Variants in TCF4 observed in about 807,000 individuals in gnomAD.
TCF4 encodes SL3-3 enhancer factor 2.
TCF4 carries 3 observed loss-of-function variants against 82.1 expected under a neutral mutation model. The observed-to-expected ratio is 0.04, with a 90% CI of 0.02 to 0.09. The LOEUF is 0.09. Ranked by LOEUF, TCF4 falls within the 10% of genes least tolerant of loss-of-function variation. The probability of loss-of-function intolerance (pLI) is 1.00; values close to 1 mark genes in which losing one functional copy is unlikely to be tolerated. For missense variants in TCF4, 518 were observed against 852.7 expected (o/e 0.61, Z 4.89); for synonymous variants, 276 against 309.6 (o/e 0.89, Z 1.14).
intron 3 of TCF4, among the ~76,000 whole-genome samples, chr18:55,475,593 A>T (rs749807210): frequency 6.6e-6 from 1 of 152,260 alleles, no homozygotes; most frequent in African/African-American, 2.4e-5. Context: ...ACAAAAATGT[A>T]TAAGGTAAAA....
At chr18:55,241,134 A>G (rs1230181521) in intron 15 of TCF4, among the ~76,000 whole-genome samples, 2 of 152,246 alleles carry the variant, frequency 1.3e-5, no homozygotes, top group Non-Finnish European at 2.9e-5. Flanking sequence ...TGTTCACCAA[A>G]ATGGTTAAAT....
rs56965997 is a variant in TCF4, at chr18:55,390,286, TAAAAAAAAAAA to T, written c.369+13157_369+13167del. 1.1e-4 allele frequency among the ~76,000 whole-genome samples: 9 copies of T among 82,236 alleles called. No homozygotes were observed. The South Asian group carries it at 3.0e-3, about 27-fold the overall frequency. The allele number at this position is 82,236 out of a possible 152,430, so 54.0% of individuals were successfully genotyped here. On this transcript the variant is annotated intron_variant, in intron 6 of 19. Transcript: ENST00000354452. ...GGCAACACAGCAGGACCCTGACTCT[TAAAAAAAAAAA>T]AAAAAAAAAAAAAGAAAGAAAGAAA...
intron 3 of TCF4, among the ~76,000 whole-genome samples, chr18:55,483,551 T>A (rs2096472364): frequency 6.6e-6 from 1 of 152,218 alleles, no homozygotes; most frequent in Non-Finnish European, 1.5e-5. Flanking sequence ...CAGTCAGACT[T>A]CATGTATGCC....
intron 2 of TCF4, chr18:55,596,128 G>T (rs2097690703): frequency 2.3e-6 from 1 of 436,918 alleles, no homozygotes; most frequent in Non-Finnish European, 4.6e-6. Context: ...TACTCAGGAG[G>T]CTGAGGCAGG....
chr18:55,378,490 A>G (rs1337176151), intron 6 of TCF4, among the ~76,000 whole-genome samples: 1 of 152,176 alleles, frequency 6.6e-6, no homozygotes, highest in Non-Finnish European at 1.5e-5. Flanking sequence ...TACAAACCCT[A>G]TGAAGAAGGT....
intron 2 of TCF4, among the ~76,000 whole-genome samples, chr18:55,620,395 G>A (rs184401240): frequency 6.6e-6 from 1 of 152,252 alleles, no homozygotes; most frequent in East Asian, 1.9e-4. Context: ...TAAATTATGA[G>A]GTTTCTTTAG....
chr18:55,539,083 A>G (rs2097143496), intron 3 of TCF4, among the ~76,000 whole-genome samples: 2 of 152,152 alleles, frequency 1.3e-5, no homozygotes, highest in Non-Finnish European at 2.9e-5. Context: ...ATGATGAGAA[A>G]AAAGTTAAAT....
intron 2 of TCF4, among the ~76,000 whole-genome samples, chr18:55,612,897 G>C (rs1157663148): frequency 6.6e-6 from 1 of 151,970 alleles, no homozygotes; most frequent in Non-Finnish European, 1.5e-5. Flanking sequence ...GCAGTGAGCC[G>C]AGATCATGCC....
intron 2 of TCF4, among the ~76,000 whole-genome samples, chr18:55,606,499 G>C (rs2097702353): frequency 6.6e-6 from 1 of 152,108 alleles, no homozygotes; most frequent in Non-Finnish European, 1.5e-5. Flanking sequence ...TTTTATCCTG[G>C]ACACAGGCTA....
Position 55,320,114 on chromosome 18 carries a change from T to C in TCF4, c.549+30245A>G, listed in dbSNP as rs190240487. ...TGAAAGGTGCTGAATAAGTTATGTA[T>C]GAGAACATCTAAAAGATAATAGGCA... On this transcript the variant is annotated intron_variant, in intron 8 of 19. Coordinates refer to ENST00000354452, the MANE Select transcript of TCF4 (RefSeq NM_001083962.2). 2.0e-5 allele frequency among the ~76,000 whole-genome samples: 3 copies of C among 151,986 alleles called. 1 individual carries two copies. Among genetic ancestry groups the C allele is most frequent in the Admixed American group, 2.0e-4 (3 of 15,262 alleles).
At chr18:55,351,881 T>C in intron 6 of TCF4, 10 of 887,448 alleles carry the variant, frequency 1.1e-5, no homozygotes, top group Non-Finnish European at 1.4e-5. Flanking sequence ...CAAGAGTAGA[T>C]AGTACCATTT....
intron 3 of TCF4, among the ~76,000 whole-genome samples, chr18:55,530,554 C>T (rs1289349396): frequency 8.5e-4 from 58 of 68,416 alleles, no homozygotes; most frequent in Non-Finnish European, 1.3e-3. Flanking sequence ...GGGAGGTGGC[C>T]CTGAAAAGGG....
At chr18:55,278,596 T>C (rs530090688) in intron 9 of TCF4, among the ~76,000 whole-genome samples, 1 of 152,200 alleles carries the variant, frequency 6.6e-6, no homozygotes, top group East Asian at 1.9e-4. Context: ...TGAGATGGAG[T>C]CTCGCTCTGT....
chr18:55,262,610 G>A (rs2058288079), intron 11 of TCF4, among the ~76,000 whole-genome samples: 1 of 152,118 alleles, frequency 6.6e-6, no homozygotes, highest in African/African-American at 2.4e-5. Context: ...CCCCATTCTT[G>A]AACTAAGAGA....
intron 8 of TCF4, among the ~76,000 whole-genome samples, chr18:55,283,770 T>C (rs548942067): frequency 1.4e-4 from 21 of 152,288 alleles, no homozygotes; most frequent in Admixed American, 1.2e-3. Context: ...GTTGTGAGAA[T>C]TAGATGGTAT....
intron 8 of TCF4, among the ~76,000 whole-genome samples, chr18:55,337,980 G>C (rs1361462557): frequency 6.6e-6 from 1 of 151,888 alleles, no homozygotes; most frequent in East Asian, 1.9e-4. Flanking sequence ...AGCATCTACG[G>C]CTCTTCCTAG....
intron 6 of TCF4, among the ~76,000 whole-genome samples, chr18:55,380,916 C>A (rs1379056773): frequency 6.6e-6 from 1 of 152,174 alleles, no homozygotes; most frequent in Non-Finnish European, 1.5e-5. Flanking sequence ...TGAATATTAA[C>A]CCGTTTCCTG....
chr18:55,577,173 T>A (rs2097536638), intron 3 of TCF4, among the ~76,000 whole-genome samples: 1 of 134,146 alleles, frequency 7.5e-6, no homozygotes, highest in South Asian at 2.2e-4. Flanking sequence ...TATACATTTA[T>A]ATATTTATAA....
chr18:55,619,430 C>A (rs1243322866), intron 2 of TCF4, among the ~76,000 whole-genome samples: 1 of 151,994 alleles, frequency 6.6e-6, no homozygotes, highest in Non-Finnish European at 1.5e-5. Context: ...TTTATTCTGT[C>A]TTTGTATGCT....
Sources: allele counts gnomAD v4.1 joint callset (sites outside exome capture counted in the v4.1 genomes callset), GRCh38; gene constraint gnomAD v4.1.1; transcripts MANE v1.5; gene names NCBI Gene and HGNC (gene_info 2026-07-23, HGNC 2026-07-21).